The following UBE2E2 variants were observed in gnomAD, a reference collection of about 807,000 sequenced individuals.
UBE2E2 encodes ubiquitin conjugating enzyme E2 E2.
Under a neutral mutation model 24.7 loss-of-function variants are expected in UBE2E2, and 6 were observed. The ratio of observed to expected loss-of-function variants is 0.24; its 90% CI spans 0.13 to 0.48. The LOEUF (loss-of-function observed/expected upper bound fraction) is 0.48. Ranked by LOEUF, UBE2E2 falls within the 20% of genes least tolerant of loss-of-function variation. The probability of loss-of-function intolerance (pLI) is 0.99; values close to 1 mark genes in which losing one functional copy is unlikely to be tolerated. For missense variants in UBE2E2, 169 were observed against 245.0 expected, an observed-to-expected ratio of 0.69 and a Z score of 2.07; for synonymous variants, 104 against 83.6, an observed-to-expected ratio of 1.24 and a Z score of -1.33.
At chr3:23,501,921 A>AT (rs1184244242) in intron 4 of UBE2E2, among the ~76,000 whole-genome samples, 1 of 152,170 alleles carries the variant, frequency 6.6e-6, no homozygotes, top group Non-Finnish European at 1.5e-5. Flanking sequence ...GAAAAAAAAA[A>AT]GCAAACTTTG....
chr3:23,482,413 TA>T (rs1699276622), intron 3 of UBE2E2, among the ~76,000 whole-genome samples: 1 of 152,150 alleles, frequency 6.6e-6, no homozygotes, highest in African/African-American at 2.4e-5. Context: ...GCTCATCTCT[TA>T]AAAACTTGTT....
chr3:23,317,343 A>G lies in UBE2E2; in HGVS notation c.227+100031A>G, dbSNP rs556540974. Among the ~76,000 whole-genome samples the G allele has an allele frequency of 2.6e-5, 4 of 152,310 alleles. No homozygotes were observed. The East Asian group carries it at 7.7e-4, about 29-fold the overall frequency. ...GGGCATCACCTGAGTTCTGCCCAGCATTGCTTTCTGCTGTGACAGGGCATC... is the reference window on the plus strand; with the variant it reads ...GGGCATCACCTGAGTTCTGCCCAGCGTTGCTTTCTGCTGTGACAGGGCATC... On this transcript the variant is annotated intron_variant, in intron 3 of 5. Transcript: ENST00000396703.
chr3:23,421,636 G>T (rs1275253758), intron 3 of UBE2E2, among the ~76,000 whole-genome samples: 1 of 151,830 alleles, frequency 6.6e-6, no homozygotes, highest in Admixed American at 6.6e-5. Flanking sequence ...TCGAACTCCT[G>T]ACCTCATGAC....
chr3:23,546,385 C>A (rs1162039865), intron 5 of UBE2E2, among the ~76,000 whole-genome samples: 1 of 149,774 alleles, frequency 6.7e-6, no homozygotes, highest in African/African-American at 2.5e-5. Flanking sequence ...TTACTCAGAA[C>A]TATTTGCCCA....
intron 1 of UBE2E2, chr3:23,204,564 TA>T: frequency 2.7e-6 from 1 of 373,152 alleles, no homozygotes; most frequent in Non-Finnish European, 3.7e-6. Flanking sequence ...TTTGTGAATC[TA>T]AATATTTGCC....
intron 3 of UBE2E2, among the ~76,000 whole-genome samples, chr3:23,355,527 C>G (rs1695919207): frequency 6.6e-6 from 1 of 152,074 alleles, no homozygotes; most frequent in South Asian, 2.1e-4. Flanking sequence ...ACTGAGATGC[C>G]TTTTTAAATG....
chr3:23,426,061 C>A (rs949447235), intron 3 of UBE2E2, among the ~76,000 whole-genome samples: 2 of 151,838 alleles, frequency 1.3e-5, no homozygotes, highest in Non-Finnish European at 2.9e-5. Context: ...AAGAAAGAAT[C>A]AAAAAGAAAT....
At chr3:23,496,720 T>C (rs1699610123) in intron 3 of UBE2E2, among the ~76,000 whole-genome samples, 1 of 152,200 alleles carries the variant, frequency 6.6e-6, no homozygotes, top group Non-Finnish European at 1.5e-5. Flanking sequence ...TCAATAAACA[T>C]TATTCTCAAT....
intron 3 of UBE2E2, among the ~76,000 whole-genome samples, chr3:23,299,640 T>A (rs1411200196): frequency 6.6e-6 from 1 of 152,266 alleles, no homozygotes; most frequent in Non-Finnish European, 1.5e-5. Flanking sequence ...TGCACTGTGG[T>A]CTGAGAGGCA....
chr3:23,514,829 C>T (rs569597571), intron 4 of UBE2E2, among the ~76,000 whole-genome samples: 3 of 151,796 alleles, frequency 2.0e-5, no homozygotes, highest in Non-Finnish European at 2.9e-5. Context: ...TGGTGAACTC[C>T]GAGAATGTAA....
intron 3 of UBE2E2, among the ~76,000 whole-genome samples, chr3:23,341,958 C>A (rs977144070): frequency 5.3e-5 from 8 of 152,056 alleles, no homozygotes; most frequent in African/African-American, 1.4e-4. Context: ...TTCCATATAA[C>A]AAAACTAATA....
intron 3 of UBE2E2, chr3:23,274,036 A>G (rs2125365995): frequency 6.6e-6 from 1 of 152,354 alleles, no homozygotes; most frequent in East Asian, 1.9e-4. Flanking sequence ...AATGCTGTTG[A>G]TATAAGAAGG....
intron 3 of UBE2E2, among the ~76,000 whole-genome samples, chr3:23,443,455 C>T (rs1698350301): frequency 6.6e-6 from 1 of 152,178 alleles, no homozygotes; most frequent in African/African-American, 2.4e-5. Context: ...TGAAAACTCT[C>T]ATAAACTGTG....
intron 3 of UBE2E2, among the ~76,000 whole-genome samples, chr3:23,476,208 C>G (rs1052618179): frequency 6.6e-6 from 1 of 152,030 alleles, no homozygotes; most frequent in Non-Finnish European, 1.5e-5. Flanking sequence ...GGATTCATAC[C>G]TGTCTCTGAG....
chr3:23,579,006 G>A (rs183115186), intron 5 of UBE2E2, among the ~76,000 whole-genome samples: 2 of 152,326 alleles, frequency 1.3e-5, no homozygotes, highest in East Asian at 3.9e-4. Context: ...AGAGATGTAT[G>A]AAGAGTTGAA....
At chr3:23,499,500 T>C (rs763530548) in intron 3 of UBE2E2, 108 bp from the exon 4 acceptor site, 1 of 1,379,600 alleles carries the variant, frequency 7.2e-7, no homozygotes, top group Non-Finnish European at 9.8e-7. Flanking sequence ...ACTGATTAAC[T>C]TTTTGTGTTT....
At position 23,548,557 on chromosome 3, in the gene UBE2E2, T is replaced by C. The variant is rs542365523; in HGVS notation, c.508+15856T>C. 3.9e-5 allele frequency among the ~76,000 whole-genome samples: 6 copies of C among 152,282 alleles called. No individual in the cohort carries two copies. The East Asian group carries it at 1.2e-3, about 29-fold the overall frequency. ...CTTACTTACTTCTTTAAGACAGAAC[T>C]TTGCGGTGTATTCTTGGTTGTTCCT... On this transcript the variant is annotated intron_variant, in intron 5 of 5. Transcript: ENST00000396703.
chr3:23,293,286 G>T (rs553429882), intron 3 of UBE2E2, among the ~76,000 whole-genome samples: 1 of 152,154 alleles, frequency 6.6e-6, no homozygotes, highest in East Asian at 1.9e-4. Context: ...CTTCCCAGGT[G>T]ATTCTTACAT....
intron 3 of UBE2E2, among the ~76,000 whole-genome samples, chr3:23,256,149 C>T (rs1697715777): frequency 6.6e-6 from 1 of 152,154 alleles, no homozygotes. Context: ...GTTGCAACCA[C>T]CTAATTTTTC....
Sources: gnomAD v4.1 joint callset for allele counts (sites outside exome capture counted in the v4.1 genomes callset) on GRCh38, gnomAD v4.1.1 for gene constraint, MANE v1.5 for transcripts, NCBI Gene and HGNC (gene_info 2026-07-23, HGNC 2026-07-21) for gene names.